FBXO34: variants seen among roughly 807,000 people sequenced by gnomAD.
FBXO34 encodes F-box only protein 34.
Under a neutral mutation model 24.5 loss-of-function variants are expected in FBXO34, and 12 were observed. The observed-to-expected ratio is 0.49, with a 90% CI of 0.31 to 0.79. The LOEUF is 0.79. Among genes scored for constraint, FBXO34 ranks in the 30% least tolerant of loss-of-function variants. The pLI, the probability that FBXO34 is intolerant of heterozygous loss-of-function variation, is 0.04. For missense variants in FBXO34, 823 were observed against 857.7 expected (o/e 0.96, Z 0.51); for synonymous variants, 320 against 311.9 (o/e 1.03, Z -0.27).
chr14:55,327,291 G>A (rs1465599539), intron 1 of FBXO34, among the ~76,000 whole-genome samples: 1 of 152,174 alleles, frequency 6.6e-6, no homozygotes, highest in East Asian at 1.9e-4. Context: ...AAAAGGGAGA[G>A]ATTTGAGTAG....
At chr14:55,411,732 C>G in the FBXO34 span, 8 of 1,611,418 alleles carry the variant, frequency 5.0e-6, no homozygotes, top group Non-Finnish European at 6.8e-6. Flanking sequence ...TCCGCATCGT[C>G]CACGGAGTCC....
the FBXO34 span, chr14:55,386,232 T>C: frequency 1.4e-6 from 1 of 705,286 alleles, no homozygotes; most frequent in East Asian, 2.6e-5. Flanking sequence ...TAATGTTCAC[T>C]AAGTGGAAAA....
rs372644935 is a variant in FBXO34 at position 55,351,290 on chromosome 14, G to A, written c.900G>A (p.Gly300=). 6.2e-7 allele frequency: 1 copy of A among 1,614,218 alleles called. No homozygotes were observed. The highest frequency in any genetic ancestry group is 1.3e-5 in the African/African-American group (1 of 75,064). The change falls in exon 2 of 2, where the codon GGG becomes GGA. Residue 300 remains glycine, a synonymous_variant. Coordinates refer to ENST00000313833, the MANE Select transcript of FBXO34 (RefSeq NM_017943.4). ...AGCGGCAGGGCCAGCGTGAGCCTGG[G>A]AGCCTCTCAAGGAATAACAGCTTCC... ...CLKRQGQREP[G]SLSRNNSFRR...
chr14:55,429,766 C>CAAAAAAAAA, the FBXO34 span, among the ~76,000 whole-genome samples: 7 of 52,394 alleles, frequency 1.3e-4, no homozygotes, highest in Non-Finnish European at 2.3e-4. Context: ...AACTCCGTCT[C>CAAAAAAAAA]AAAAAAAAAA....
the FBXO34 span, chr14:55,433,689 C>A: frequency 6.2e-7 from 1 of 1,614,090 alleles, no homozygotes; most frequent in South Asian, 1.1e-5. Flanking sequence ...TTGTCCTGGG[C>A]TCTCGGATCC....
At chr14:55,357,117 C>T (rs942595239), downstream of FBXO34, among the ~76,000 whole-genome samples, 1 of 152,210 alleles carries the variant, frequency 6.6e-6, no homozygotes, top group Non-Finnish European at 1.5e-5. Context: ...GATGTTTGCA[C>T]AACCTCTTGG....
At chr14:55,412,260 G>T in the FBXO34 span, among the ~76,000 whole-genome samples, 5 of 152,172 alleles carry the variant, frequency 3.3e-5, no homozygotes, top group South Asian at 2.1e-4. Context: ...TTGAATTTTG[G>T]CTCACTCACC....
downstream of FBXO34, among the ~76,000 whole-genome samples, chr14:55,357,170 A>G (rs750794473): frequency 6.6e-6 from 1 of 152,244 alleles, no homozygotes; most frequent in African/African-American, 2.4e-5. Flanking sequence ...GGTAACATCC[A>G]GTGCATTTAT....
chr14:55,420,405 A>G, the FBXO34 span, among the ~76,000 whole-genome samples: 1 of 152,320 alleles, frequency 6.6e-6, no homozygotes, highest in East Asian at 1.9e-4. Flanking sequence ...GGATTAAGTA[A>G]TAAGGAACAT....
At chr14:55,332,246 T>G (rs1037939893) in intron 1 of FBXO34, among the ~76,000 whole-genome samples, 1 of 151,932 alleles carries the variant, frequency 6.6e-6, no homozygotes, top group African/African-American at 2.4e-5. Flanking sequence ...TAGTAGGTGT[T>G]AAATCGTTAG....
chr14:55,330,995 G>A lies in FBXO34; in HGVS notation c.-10-19386G>A, dbSNP rs565521076. ...ATAGCAGATGCTCAGTATATATTGA[G>A]TGAGTGAATAAAAGATCTGTTTGAT... On this transcript the variant is annotated intron_variant, in intron 1 of 1. Coordinates refer to ENST00000313833, the MANE Select transcript of FBXO34 (RefSeq NM_017943.4). Among the ~76,000 whole-genome samples the A allele has an allele frequency of 5.9e-5, 9 of 152,290 alleles. No individual in the cohort carries two copies. In the East Asian group the frequency reaches 1.7e-3, roughly 29 times the overall value.
chr14:55,321,501 A>G (rs1351110386), intron 1 of FBXO34, among the ~76,000 whole-genome samples: 2 of 151,714 alleles, frequency 1.3e-5, no homozygotes, highest in Admixed American at 6.6e-5. Flanking sequence ...GGTTCCAGTG[A>G]TCCTCCCACC....
intron 1 of FBXO34, among the ~76,000 whole-genome samples, chr14:55,303,993 A>G (rs1882451856): frequency 6.6e-6 from 1 of 152,236 alleles, no homozygotes; most frequent in African/African-American, 2.4e-5. Flanking sequence ...CCCTTGTAAT[A>G]GTGATTTTAC....
the FBXO34 span, among the ~76,000 whole-genome samples, chr14:55,402,338 A>C: frequency 6.6e-6 from 1 of 152,298 alleles, no homozygotes; most frequent in Middle Eastern, 3.4e-3. Flanking sequence ...TATTTTAAGA[A>C]AGGCAAAAAA....
At chr14:55,348,103 G>A (rs527647351) in intron 1 of FBXO34, among the ~76,000 whole-genome samples, 15 of 152,318 alleles carry the variant, frequency 9.8e-5, no homozygotes, top group South Asian at 2.1e-4. Flanking sequence ...ATGTCACAGT[G>A]CAGAAAGGGG....
At chr14:55,280,766 T>C (rs1242740131) in intron 1 of FBXO34, among the ~76,000 whole-genome samples, 1 of 151,952 alleles carries the variant, frequency 6.6e-6, no homozygotes, top group Non-Finnish European at 1.5e-5. Flanking sequence ...GACCTCGTGA[T>C]CCTCCCGCCT....
chr14:55,371,611 T>A (rs1884818550), downstream of FBXO34, among the ~76,000 whole-genome samples: 2 of 151,776 alleles, frequency 1.3e-5, no homozygotes, highest in African/African-American at 4.8e-5. Context: ...TCGAGACCAT[T>A]GGCTAACACA....
the FBXO34 span, chr14:55,385,963 A>G: frequency 6.2e-7 from 1 of 1,614,156 alleles, no homozygotes; most frequent in Non-Finnish European, 8.5e-7. Flanking sequence ...TTCTTAAGTC[A>G]ATGGTCTTTT....
intron 1 of FBXO34, among the ~76,000 whole-genome samples, chr14:55,303,713 C>T (rs1370370430): frequency 6.6e-6 from 1 of 151,628 alleles, no homozygotes; most frequent in Non-Finnish European, 1.5e-5. Flanking sequence ...CCCACTCCCC[C>T]TTAATAAAAA....
Sources: gnomAD v4.1 joint callset for allele counts (sites outside exome capture counted in the v4.1 genomes callset) on GRCh38, gnomAD v4.1.1 for gene constraint, MANE v1.5 for transcripts, NCBI Gene and HGNC (gene_info 2026-07-23, HGNC 2026-07-21) for gene names.